STARD10: variants seen among roughly 807,000 people sequenced by gnomAD.
STARD10 encodes START domain-containing protein 10.
STARD10 carries 24 observed loss-of-function variants against 36.0 expected under a neutral mutation model. The observed-to-expected ratio is 0.67, with a 90% confidence interval of 0.48 to 0.94. The LOEUF (loss-of-function observed/expected upper bound fraction) is 0.94. Among genes scored for constraint, STARD10 ranks in the 40% least tolerant of loss-of-function variants. STARD10 has a pLI of 0.00. For synonymous variants in STARD10, 156 were observed against 161.9 expected (o/e 0.96, Z 0.28); for missense variants, 335 against 396.6 (o/e 0.84, Z 1.32).
chr11:72,769,446 G>C, intron 2 of STARD10, among the ~76,000 whole-genome samples: 1 of 152,142 alleles, frequency 6.6e-6, no homozygotes, highest in Admixed American at 6.5e-5. Context: ...TTGGTCCACT[G>C]TGGTGATCAC....
intron 1 of STARD10, among the ~76,000 whole-genome samples, chr11:72,784,098 C>A (rs1034462693): frequency 1.3e-5 from 2 of 152,158 alleles, no homozygotes; most frequent in Non-Finnish European, 1.5e-5. Flanking sequence ...CAAATGCCAC[C>A]CCTCCCAGGA....
intron 2 of STARD10, among the ~76,000 whole-genome samples, chr11:72,769,502 C>G (rs761714880): frequency 3.3e-5 from 5 of 152,078 alleles, no homozygotes; most frequent in Non-Finnish European, 7.4e-5. Flanking sequence ...TGCCACCACG[C>G]CTGGCTAATT....
At chr11:72,770,086 A>T (rs1004492687) in intron 2 of STARD10, among the ~76,000 whole-genome samples, 3 of 152,240 alleles carry the variant, frequency 2.0e-5, no homozygotes, top group African/African-American at 7.2e-5. Context: ...TTTGAATGAG[A>T]GCTGGAAGGA....
chr11:72,762,246 AT>A (rs1349166746), intron 2 of STARD10, among the ~76,000 whole-genome samples: 1 of 151,990 alleles, frequency 6.6e-6, no homozygotes, highest in African/African-American at 2.4e-5. Flanking sequence ...ATTTCTTATT[AT>A]CTAACATGTA....
chr11:72,763,691 G>C (rs1174321863), intron 2 of STARD10, among the ~76,000 whole-genome samples: 1 of 152,198 alleles, frequency 6.6e-6, no homozygotes, highest in Admixed American at 6.5e-5. Flanking sequence ...CTGAGTGAAT[G>C]AATGAAGGAA....
intron 2 of STARD10, among the ~76,000 whole-genome samples, chr11:72,772,584 G>A (rs952908413): frequency 7.9e-5 from 12 of 152,252 alleles, no homozygotes; most frequent in Admixed American, 2.6e-4. Context: ...TGTCCTCTGT[G>A]GCCAGGGAGC....
intron 2 of STARD10, among the ~76,000 whole-genome samples, chr11:72,770,744 G>A (rs575087454): frequency 1.3e-5 from 2 of 152,264 alleles, no homozygotes; most frequent in African/African-American, 2.4e-5. Flanking sequence ...GGTAGAGGGA[G>A]GGACATCTAA....
intron 5 of STARD10, 66 bp downstream of exon 5, chr11:72,757,701 G>A: frequency 5.5e-6 from 8 of 1,455,346 alleles, no homozygotes; most frequent in Non-Finnish European, 7.7e-6. Context: ...ATCCCTAGTA[G>A]ATCAGGCCCC....
chr11:72,784,551 A>C (rs1395951999), intron 1 of STARD10, among the ~76,000 whole-genome samples: 1 of 152,222 alleles, frequency 6.6e-6, no homozygotes, highest in Non-Finnish European at 1.5e-5. Context: ...GGTTCCAACA[A>C]AAAGTGTTAA....
At chr11:72,780,347 C>T (rs754135850) in intron 2 of STARD10, 1 of 412,720 alleles carries the variant, frequency 2.4e-6, no homozygotes, top group South Asian at 1.6e-5. Flanking sequence ...ACCCCAGGCC[C>T]CTTCCTTCCC....
At chr11:72,782,439 TG>T (rs1859017148) in intron 1 of STARD10, 1 of 152,218 alleles carries the variant, frequency 6.6e-6, no homozygotes, top group Admixed American at 6.5e-5. Flanking sequence ...TGGCCAGATG[TG>T]GGCAAAATCT....
chr11:72,759,343 G>C lies in STARD10; in HGVS notation c.246C>G (p.Leu82=), dbSNP rs1416986616. The C allele has an allele frequency of 6.2e-7, 1 of 1,614,186 alleles. No homozygotes were observed. The highest frequency in any genetic ancestry group is 8.5e-7 in the Non-Finnish European group (1 of 1,180,038). The change falls in exon 3 of 7, where the codon CTC becomes CTG. Residue 82 remains leucine, a synonymous_variant. Transcript: ENST00000334805. ...MECCDVPAET[L]YDVLHDIEYR... Reference sequence around the variant, plus strand: ...ACTCAATGTCGTGTAGGACGTCGTAGAGTGTCTCGGCTGGCACATCACAGC... The same window carrying C: ...ACTCAATGTCGTGTAGGACGTCGTACAGTGTCTCGGCTGGCACATCACAGC...
intron 2 of STARD10, 92 bp downstream of exon 2, chr11:72,780,883 C>A: frequency 7.6e-7 from 1 of 1,320,642 alleles, no homozygotes; most frequent in Non-Finnish European, 1.1e-6. Context: ...AGATATACAG[C>A]CAGGTGTCTA....
chr11:72,769,690 T>G (rs1361560329), intron 2 of STARD10, among the ~76,000 whole-genome samples: 1 of 152,162 alleles, frequency 6.6e-6, no homozygotes, highest in Non-Finnish European at 1.5e-5. Flanking sequence ...GGACTACAAA[T>G]TTGTACTCAG....
At chr11:72,764,657 G>A (rs576765076) in intron 2 of STARD10, among the ~76,000 whole-genome samples, 22 of 152,358 alleles carry the variant, frequency 1.4e-4, no homozygotes, top group African/African-American at 5.3e-4. Flanking sequence ...GCGGGCGGCG[G>A]TGGCCACGCC....
At chr11:72,776,301 A>G (rs994756007) in intron 2 of STARD10, among the ~76,000 whole-genome samples, 7 of 152,212 alleles carry the variant, frequency 4.6e-5, no homozygotes, top group Non-Finnish European at 1.0e-4. Flanking sequence ...TGTATGGGGA[A>G]ACTGTGCCCC....
chr11:72,774,122 C>T (rs1858900232), intron 2 of STARD10, among the ~76,000 whole-genome samples: 1 of 152,148 alleles, frequency 6.6e-6, no homozygotes, highest in Admixed American at 6.5e-5. Flanking sequence ...GAGGGGATCT[C>T]AGGAAGCCGG....
Position 72,784,217 on chromosome 11 carries a change from T to C in STARD10, c.-113-2923A>G, listed in dbSNP as rs114716100. Among the ~76,000 whole-genome samples, 913 of 152,158 alleles carry C rather than the reference T, an allele frequency of 6.0e-3. 10 individuals carry two copies. Among genetic ancestry groups the C allele is most frequent in the African/African-American group, 0.021 (863 of 41,526 alleles). The stretch of plus-strand genomic sequence containing the variant: ...AGCAGCCGAGAAGGGCCCCATCTGC[T>C]CCAGAGCAGAAGAATGAGCCCAGGA... On this transcript the variant is annotated intron_variant, in intron 1 of 6. Coordinates refer to ENST00000334805, the MANE Select transcript of STARD10 (RefSeq NM_006645.3).
At position 72,779,585 on chromosome 11, in the gene STARD10, A is replaced by C. The variant is rs2135623820; in HGVS notation, c.207+1390T>G. Among the ~76,000 whole-genome samples, 3 of 149,256 alleles carry C rather than the reference A, an allele frequency of 2.0e-5. No homozygotes were observed. The Admixed American group carries it at 2.0e-4, about 10-fold the overall frequency. On this transcript the variant is annotated intron_variant, in intron 2 of 6. Coordinates refer to ENST00000334805, the MANE Select transcript of STARD10 (RefSeq NM_006645.3). ...CCTGAGAGACAGAGTGAGGCTTCTC[A>C]AAAAAAAAAGAAAAAAGGATAGGAG...
Sources: allele counts gnomAD v4.1 joint callset (sites outside exome capture counted in the v4.1 genomes callset), GRCh38; gene constraint gnomAD v4.1.1; transcripts MANE v1.5; gene names NCBI Gene and HGNC (gene_info 2026-07-23, HGNC 2026-07-21).